NAA50: variants seen among roughly 807,000 people sequenced by gnomAD.
The protein encoded by NAA50 is N-alpha-acetyltransferase 50.
Under a neutral mutation model 20.7 loss-of-function variants are expected in NAA50, and 7 were observed. The ratio of observed to expected loss-of-function variants is 0.34; its 90% CI spans 0.19 to 0.63. NAA50 has a LOEUF of 0.63. NAA50 is among the 30% of genes least tolerant of loss of function. NAA50 has a pLI of 0.75. For missense variants in NAA50, 111 were observed against 199.1 expected (o/e 0.56, Z 2.66); for synonymous variants, 54 against 70.6 (o/e 0.77, Z 1.18).
chr3:113,725,608 T>A (rs574456360), intron 1 of NAA50, among the ~76,000 whole-genome samples: 7 of 152,066 alleles, frequency 4.6e-5, no homozygotes, highest in East Asian at 1.9e-4. Flanking sequence ...GAAATTTTTT[T>A]AAAAAAACTT....
Position 113,718,634 on chromosome 3 carries a change from A to C in NAA50, c.*3126T>G, listed in dbSNP as rs1450078375. 6.6e-6 allele frequency: 1 copy of C among 152,240 alleles called. No individual in the cohort carries two copies. The highest frequency in any genetic ancestry group is 2.4e-5 in the African/African-American group (1 of 41,474). 9.4% of individuals were successfully genotyped at this position (152,240 alleles called of 1,614,324 possible). A position where few individuals can be genotyped will look rare whatever the true frequency, so the allele number is the denominator to read the frequency against. On this transcript the variant is annotated 3_prime_UTR_variant, in exon 5 of 5. Transcript: ENST00000240922. ...TCCTTCCTTACAAGGAAGAAAAACA[A>C]AACACCTGAATATGTTGTCTGTAGC...
chr3:113,746,180 T>A lies in NAA50; in HGVS notation c.-231A>T. 1 of 528,040 alleles carries A rather than the reference T, an allele frequency of 1.9e-6. No individual in the cohort carries two copies. Among genetic ancestry groups the A allele is most frequent in the Non-Finnish European group, 3.3e-6 (1 of 302,646 alleles). 32.7% of individuals were successfully genotyped at this position (528,040 alleles called of 1,614,324 possible). A position where few individuals can be genotyped will look rare whatever the true frequency, so the allele number is the denominator to read the frequency against. On this transcript the variant is annotated 5_prime_UTR_variant, in exon 1 of 5. Coordinates refer to ENST00000240922, the MANE Select transcript of NAA50 (RefSeq NM_025146.4). The stretch of plus-strand genomic sequence containing the variant: ...GCTTGTGCCGCCGCTTCTCCACACG[T>A]GCACTCGGGTCTCTCGGCTCCCTCC...
chr3:113,720,682 CTA>C lies in NAA50; in HGVS notation c.*1076_*1077del, dbSNP rs2107982519. 1 of 152,612 alleles carries C rather than the reference CTA, an allele frequency of 6.6e-6. No individual in the cohort carries two copies. Among genetic ancestry groups the C allele is most frequent in the African/African-American group, 2.4e-5 (1 of 41,568 alleles). 9.5% of individuals were successfully genotyped at this position (152,612 alleles called of 1,614,324 possible). ...CTCCAACAGATGTGCAATAGCACAG[CTA>C]TGTTATTCTCAAAAATACTATTTTT... On this transcript the variant is annotated 3_prime_UTR_variant, in exon 5 of 5. Coordinates refer to ENST00000240922, the MANE Select transcript of NAA50 (RefSeq NM_025146.4).
intron 1 of NAA50, among the ~76,000 whole-genome samples, chr3:113,730,288 G>A (rs1437142773): frequency 1.3e-5 from 2 of 152,070 alleles, no homozygotes; most frequent in East Asian, 1.9e-4. Context: ...GTGACAGAGT[G>A]AGACTGTTCA....
chr3:113,741,266 A>T (rs1410081779), intron 1 of NAA50: 5 of 386,374 alleles, frequency 1.3e-5, no homozygotes, highest in Non-Finnish European at 2.5e-5. Context: ...TTACCCGGGA[A>T]ATGGCAACTG....
chr3:113,723,819 C>T (rs555638341), intron 2 of NAA50, 140 bp downstream of exon 2: 49 of 998,800 alleles, frequency 4.9e-5, no homozygotes, highest in Non-Finnish European at 6.2e-5. Flanking sequence ...AGATTTTTCT[C>T]ACAACCTAGA....
chr3:113,727,213 G>A (rs1368263286), intron 1 of NAA50, among the ~76,000 whole-genome samples: 1 of 152,046 alleles, frequency 6.6e-6, no homozygotes, highest in Non-Finnish European at 1.5e-5. Context: ...TATACAGTTT[G>A]TATTAATTTA....
rs1402997420 is a variant in NAA50 at position 113,717,817 on chromosome 3, C to G, written c.*3943G>C. On this transcript the variant is annotated 3_prime_UTR_variant, in exon 5 of 5. Coordinates refer to ENST00000240922, the MANE Select transcript of NAA50 (RefSeq NM_025146.4). ...AACTGTAAAGTGCAGTGCTTTATAA[C>G]CCTCATTTAGAAAACTACTCCTTTT... 1 of 152,162 alleles carries G rather than the reference C, an allele frequency of 6.6e-6. No homozygotes were observed. Among genetic ancestry groups the G allele is most frequent in the African/African-American group, 2.4e-5 (1 of 41,424 alleles). 9.4% of individuals were successfully genotyped at this position (152,162 alleles called of 1,614,324 possible).
rs1708074675 is a variant in NAA50 at position 113,717,671 on chromosome 3, C to G, written c.*4089G>C. The G allele has an allele frequency of 6.6e-6, 1 of 152,154 alleles. No homozygotes were observed. The highest frequency in any genetic ancestry group is 1.5e-5 in the Non-Finnish European group (1 of 68,032). 9.4% of individuals were successfully genotyped at this position (152,154 alleles called of 1,614,324 possible). A position where few individuals can be genotyped will look rare whatever the true frequency, so the allele number is the denominator to read the frequency against. ...TTTGTGACTGTAGTATCCAATTTCC[C>G]AGAAATATTCAAATCAGTGAGAACA... On this transcript the variant is annotated 3_prime_UTR_variant, in exon 5 of 5. Transcript: ENST00000240922.
intron 1 of NAA50, among the ~76,000 whole-genome samples, chr3:113,730,137 T>C (rs1045648496): frequency 3.6e-4 from 54 of 151,922 alleles, no homozygotes; most frequent in Non-Finnish European, 3.5e-4. Context: ...CTGTCTCTAC[T>C]AAAAATACAA....
chr3:113,733,284 A>C (rs1708293869), intron 1 of NAA50, among the ~76,000 whole-genome samples: 1 of 152,132 alleles, frequency 6.6e-6, no homozygotes, highest in African/African-American at 2.4e-5. Context: ...ATATGAGAAA[A>C]CTGGGAATTC....
chr3:113,740,129 T>C (rs1375566213), intron 1 of NAA50, among the ~76,000 whole-genome samples: 2 of 152,132 alleles, frequency 1.3e-5, no homozygotes, highest in Admixed American at 6.6e-5. Flanking sequence ...AAGTTTAGCA[T>C]CCACATTTAC....
chr3:113,723,581 GAATAA>G, intron 2 of NAA50, 40 bp from the exon 3 acceptor site: 1 of 1,556,626 alleles, frequency 6.4e-7, no homozygotes, highest in African/African-American at 1.4e-5. Flanking sequence ...TGAACAGACA[GAATAA>G]CACATTTAAT....
At chr3:113,742,425 CTT>C (rs770744656) in intron 1 of NAA50, among the ~76,000 whole-genome samples, 8 of 130,182 alleles carry the variant, frequency 6.1e-5, no homozygotes, top group Non-Finnish European at 3.3e-5. Flanking sequence ...GCATGCCTGG[CTT>C]TTTTTTTTTT....
In NAA50 at chr3:113,723,471, A is replaced by T; in HGVS notation, c.216T>A (p.Leu72=). Residue 72 remains leucine, a synonymous_variant, in exon 3 of 5, where the codon CTT becomes CTA. Coordinates refer to ENST00000240922, the MANE Select transcript of NAA50 (RefSeq NM_025146.4). ...CCAGACATCCTAGTGTCATGATGTA[A>T]AGTCTCTTCTGATTCTGTGAATGAT... ...RVDHSQNQKR[L]YIMTLGCLAP... 3.7e-6 allele frequency: 6 copies of T among 1,613,070 alleles called. No homozygotes were observed. The South Asian group carries it at 6.6e-5, about 18-fold the overall frequency.
chr3:113,716,672 T>C lies in NAA50; in HGVS notation c.*5088A>G, dbSNP rs558389059. The C allele has an allele frequency of 3.5e-4, 53 of 152,336 alleles. No individual in the cohort carries two copies. Among genetic ancestry groups the C allele is most frequent in the African/African-American group, 1.2e-3 (50 of 41,578 alleles). The allele number at this position is 152,336 out of a possible 1,614,324, so 9.4% of individuals were successfully genotyped here. A position where few individuals can be genotyped will look rare whatever the true frequency, so the allele number is the denominator to read the frequency against. ...CAGTGATTCAACATGTGCTTTAATTTATACTGCTTAGATCCTTTGAGTTCA... is the reference window on the plus strand; with the variant it reads ...CAGTGATTCAACATGTGCTTTAATTCATACTGCTTAGATCCTTTGAGTTCA... On this transcript the variant is annotated 3_prime_UTR_variant, in exon 5 of 5. Transcript: ENST00000240922.
intron 1 of NAA50, among the ~76,000 whole-genome samples, chr3:113,737,489 T>C (rs568881656): frequency 8.9e-4 from 135 of 152,354 alleles, no homozygotes; most frequent in African/African-American, 3.1e-3. Context: ...CTGAGATTTC[T>C]ACCTCATATG....
intron 1 of NAA50, among the ~76,000 whole-genome samples, chr3:113,731,065 T>G (rs1708265797): frequency 6.6e-6 from 1 of 152,230 alleles, no homozygotes; most frequent in African/African-American, 2.4e-5. Context: ...ATTGTGGTTT[T>G]TAATTTGCAT....
intron 1 of NAA50, chr3:113,745,666 C>G: frequency 2.2e-6 from 1 of 453,596 alleles, no homozygotes; most frequent in South Asian, 3.6e-5. Flanking sequence ...CCATGTTGCC[C>G]CACTCGGTCG....
Sources: gnomAD v4.1 joint callset for allele counts (sites outside exome capture counted in the v4.1 genomes callset) on GRCh38, gnomAD v4.1.1 for gene constraint, MANE v1.5 for transcripts, NCBI Gene and HGNC (gene_info 2026-07-23, HGNC 2026-07-21) for gene names.